CNTN4: variants seen among roughly 807,000 people sequenced by gnomAD.
CNTN4 encodes the protein contactin 4.
In CNTN4, 77 loss-of-function variants were observed where a neutral mutation model predicts 122.5. The observed-to-expected ratio is 0.63, with a 90% confidence interval of 0.52 to 0.76. The LOEUF (loss-of-function observed/expected upper bound fraction) is 0.76. Among genes scored for constraint, CNTN4 ranks in the 30% least tolerant of loss-of-function variants. CNTN4 has a pLI of 0.00. For synonymous variants in CNTN4, 512 were observed against 447.0 expected, an observed-to-expected ratio of 1.15 and a Z score of -1.83; for missense variants, 1,256 against 1,259.1, an observed-to-expected ratio of 1.00 and a Z score of 0.04.
At chr3:2,214,676 C>G (rs978900691) in intron 2 of CNTN4, among the ~76,000 whole-genome samples, 6 of 152,126 alleles carry the variant, frequency 3.9e-5, no homozygotes, top group African/African-American at 1.2e-4. Flanking sequence ...AGCCCATCCA[C>G]TCAATCTCTT....
At chr3:2,234,917 T>A (rs1288571946) in intron 2 of CNTN4, among the ~76,000 whole-genome samples, 1 of 152,196 alleles carries the variant, frequency 6.6e-6, no homozygotes, top group East Asian at 1.9e-4. Context: ...TCTTTCTTGT[T>A]GCTTGAAGCT....
intron 6 of CNTN4, among the ~76,000 whole-genome samples, chr3:2,763,781 G>A (rs2090709387): frequency 6.6e-6 from 1 of 152,102 alleles, no homozygotes; most frequent in African/African-American, 2.4e-5. Flanking sequence ...TGTTGAAGGT[G>A]AGATCGTTGC....
intron 2 of CNTN4, among the ~76,000 whole-genome samples, chr3:2,209,686 G>T (rs111343883): frequency 6.6e-6 from 1 of 151,894 alleles, no homozygotes; most frequent in Non-Finnish European, 1.5e-5. Context: ...TTTTATTCAG[G>T]GTCCAACGCT....
chr3:2,792,945 A>G (rs1254439062), intron 6 of CNTN4, among the ~76,000 whole-genome samples: 1 of 152,240 alleles, frequency 6.6e-6, no homozygotes, highest in Non-Finnish European at 1.5e-5. Context: ...CTTAGCTTTC[A>G]TAAAAGATAG....
chr3:2,450,546 A>T (rs2048792106), intron 3 of CNTN4, among the ~76,000 whole-genome samples: 1 of 152,154 alleles, frequency 6.6e-6, no homozygotes, highest in Non-Finnish European at 1.5e-5. Context: ...GGTTTAGCAT[A>T]GCTATTTGGC....
At chr3:2,367,849 G>A (rs373819226) in intron 3 of CNTN4, among the ~76,000 whole-genome samples, 1 of 151,968 alleles carries the variant, frequency 6.6e-6, no homozygotes, top group Admixed American at 6.6e-5. Flanking sequence ...AACAACGTTC[G>A]GACTATTTCA....
At chr3:2,192,403 C>G (rs1575049039) in intron 2 of CNTN4, among the ~76,000 whole-genome samples, 1 of 152,126 alleles carries the variant, frequency 6.6e-6, no homozygotes, top group Non-Finnish European at 1.5e-5. Context: ...TGTTTCCTGA[C>G]TTTTTAATGA....
At chr3:2,219,775 G>A (rs1006623878) in intron 2 of CNTN4, among the ~76,000 whole-genome samples, 13 of 151,520 alleles carry the variant, frequency 8.6e-5, no homozygotes, top group African/African-American at 3.2e-4. Flanking sequence ...TTTTATGGTT[G>A]TTTTGAGATG....
At chr3:2,106,023 T>TA (rs1574833343) in intron 2 of CNTN4, among the ~76,000 whole-genome samples, 1 of 152,216 alleles carries the variant, frequency 6.6e-6, no homozygotes, top group African/African-American at 2.4e-5. Context: ...GGGCAGTTAT[T>TA]AAATCTTAAA....
intron 2 of CNTN4, among the ~76,000 whole-genome samples, chr3:2,249,713 A>G (rs1331612163): frequency 1.3e-5 from 2 of 152,076 alleles, no homozygotes; most frequent in South Asian, 2.1e-4. Context: ...CAACCAAACA[A>G]ATTTCAAATG....
At chr3:2,124,458 A>ACACACACACACACCCC (rs1559265610) in intron 2 of CNTN4, among the ~76,000 whole-genome samples, 9 of 148,978 alleles carry the variant, frequency 6.0e-5, no homozygotes, top group Admixed American at 1.4e-4. Flanking sequence ...ACACACACAC[A>ACACACACACACACCCC]CACACACACA....
chr3:2,120,417 T>A (rs1460709844), intron 2 of CNTN4, among the ~76,000 whole-genome samples: 2 of 100,444 alleles, frequency 2.0e-5, no homozygotes, highest in East Asian at 3.2e-4. Flanking sequence ...TTTTTTTTTT[T>A]TTTTTATGCA....
chr3:2,368,026 CTTCT>C lies in CNTN4; in HGVS notation c.-89+28796_-89+28799del, dbSNP rs1208553131. On this transcript the variant is annotated intron_variant, in intron 3 of 24. Transcript: ENST00000418658. ...ACTTTATCCAAATACAGCTAGAAAA[CTTCT>C]TTTTTTTTTTTTTTTTTTTTGAGGT... is the stretch of plus-strand genomic sequence containing the variant. Among the ~76,000 whole-genome samples the C allele has an allele frequency of 1.9e-3, 235 of 122,114 alleles. 1 individual carries two copies. The highest frequency in any genetic ancestry group is 7.8e-3 in the African/African-American group (215 of 27,638). 80.1% of individuals were successfully genotyped at this position (122,114 alleles called of 152,430 possible).
rs1318329539 is a variant in CNTN4 at position 2,709,558 on chromosome 3, C to T, written c.56-26657C>T. On this transcript the variant is annotated intron_variant, in intron 4 of 24. Transcript: ENST00000418658. This position sits in a 1 kb window ranked among gnomAD's most constrained non-coding sequence, Gnocchi z 5.0. ...CCAGACTTCTAGACCAGTCTCCTTT[C>T]CAATTCCATAAAATGAACAATTTCA... 1.3e-5 allele frequency among the ~76,000 whole-genome samples: 2 copies of T among 152,116 alleles called. No individual in the cohort carries two copies. The highest frequency in any genetic ancestry group is 4.8e-5 in the African/African-American group (2 of 41,412).
At chr3:2,933,818 G>GTAGA (rs2094545727) in intron 13 of CNTN4, among the ~76,000 whole-genome samples, 1 of 152,180 alleles carries the variant, frequency 6.6e-6, no homozygotes, top group African/African-American at 2.4e-5. Flanking sequence ...ACAGACATCA[G>GTAGA]TAGATAAGAA....
intron 6 of CNTN4, among the ~76,000 whole-genome samples, chr3:2,809,828 C>G (rs2092561918): frequency 6.6e-6 from 1 of 152,128 alleles, no homozygotes; most frequent in Non-Finnish European, 1.5e-5. Context: ...GAAACTCAGA[C>G]ATTTTAAATT....
chr3:2,368,038 T>C, intron 3 of CNTN4, among the ~76,000 whole-genome samples: 1 of 147,548 alleles, frequency 6.8e-6, no homozygotes, highest in African/African-American at 2.5e-5. Flanking sequence ...TCTTTTTTTT[T>C]TTTTTTTTTT....
intron 2 of CNTN4, among the ~76,000 whole-genome samples, chr3:2,156,765 G>T (rs1287279496): frequency 6.6e-6 from 1 of 152,150 alleles, no homozygotes; most frequent in Non-Finnish European, 1.5e-5. Context: ...AGTTTTGGTA[G>T]TTCTGCAGTT....
At position 2,180,773 on chromosome 3, in the gene CNTN4, A is replaced by ACTCC. The variant is rs1314130764; in HGVS notation, c.-145+80136_-145+80137insCCCT. On this transcript the variant is annotated intron_variant, in intron 2 of 24. Transcript: ENST00000418658. Reference sequence around the variant, plus strand: ...GCCTACCTTTGGGGATAACTGAGTGACTGACAGCGATGCCTTAGCAACCAT... The same window carrying ACTCC: ...GCCTACCTTTGGGGATAACTGAGTGACTCCCTGACAGCGATGCCTTAGCAACCAT... 5.9e-5 allele frequency among the ~76,000 whole-genome samples: 9 copies of ACTCC among 152,216 alleles called. No homozygotes were observed. The South Asian group carries it at 1.7e-3, about 28-fold the overall frequency.
Sources: allele counts gnomAD v4.1 joint callset (sites outside exome capture counted in the v4.1 genomes callset), GRCh38; gene constraint gnomAD v4.1.1; non-coding constraint Gnocchi (gnomAD v3.1); transcripts MANE v1.5; gene names NCBI Gene and HGNC (gene_info 2026-07-23, HGNC 2026-07-21).